Variants in MEF2A observed in about 807,000 individuals in gnomAD.
MEF2A encodes myocyte-specific enhancer factor 2A.
A neutral mutation model predicts 55.8 loss-of-function variants in MEF2A; 28 were observed. The observed-to-expected ratio is 0.50, with a 90% confidence interval of 0.37 to 0.69. The LOEUF (loss-of-function observed/expected upper bound fraction) is 0.69, where lower values mean the gene tolerates loss of function less well. Among genes scored for constraint, MEF2A ranks in the 30% least tolerant of loss-of-function variants. The pLI is 0.00. For synonymous variants in MEF2A, 239 were observed against 227.1 expected (o/e 1.05, Z -0.47); for missense variants, 528 against 626.2 (o/e 0.84, Z 1.67).
chr15:99,675,776 A>G (rs1021840711), intron 7 of MEF2A, among the ~76,000 whole-genome samples: 1 of 152,130 alleles, frequency 6.6e-6, no homozygotes, highest in Non-Finnish European at 1.5e-5. Flanking sequence ...CGTGGCTCAC[A>G]CCTGTAATCC....
chr15:99,621,828 A>C (rs2041234214), intron 2 of MEF2A, among the ~76,000 whole-genome samples: 1 of 152,184 alleles, frequency 6.6e-6, no homozygotes, highest in Admixed American at 6.5e-5. Context: ...ATTGTACATA[A>C]TCATTTTTAT....
intron 3 of MEF2A, among the ~76,000 whole-genome samples, chr15:99,641,184 A>G (rs372644923): frequency 7.9e-5 from 12 of 152,110 alleles, no homozygotes; most frequent in African/African-American, 2.4e-4. Flanking sequence ...CTACCTGGCA[A>G]TCCACCAAAC....
At chr15:99,586,097 A>G (rs967451158) in intron 1 of MEF2A, among the ~76,000 whole-genome samples, 1 of 152,066 alleles carries the variant, frequency 6.6e-6, no homozygotes, top group African/African-American at 2.4e-5. Flanking sequence ...CCTTTCATGG[A>G]CTTTTGGTAG....
rs1408083455 is a variant in MEF2A at position 99,633,070 on chromosome 15, T to C, written c.-50T>C. 1.3e-6 allele frequency: 2 copies of C among 1,510,918 alleles called. No homozygotes were observed. Among genetic ancestry groups the C allele is most frequent in the Non-Finnish European group, 1.8e-6 (2 of 1,104,242 alleles). The allele number at this position is 1,510,918 out of a possible 1,614,324, so 93.6% of individuals were successfully genotyped here. A position where few individuals can be genotyped will look rare whatever the true frequency, so the allele number is the denominator to read the frequency against. The stretch of plus-strand genomic sequence containing the variant: ...CATTAGGGTATTGAAGAAAATTAAC[T>C]TTTGAATTAAATATTTGGAATATAA... On this transcript the variant is annotated 5_prime_UTR_variant, in exon 3 of 12. Transcript: ENST00000557942.
chr15:99,705,101 A>C lies in MEF2A; in HGVS notation c.883-1628A>C, dbSNP rs2057872679. Among the ~76,000 whole-genome samples, 2 of 152,220 alleles carry C rather than the reference A, an allele frequency of 1.3e-5. 1 individual carries two copies. The highest frequency in any genetic ancestry group is 4.1e-4 in the South Asian group (2 of 4,828). On this transcript the variant is annotated intron_variant, in intron 9 of 11. Coordinates refer to ENST00000557942, the MANE Select transcript of MEF2A (RefSeq NM_001319206.4). ...TTAGAAAGTTGTTCAGCTTGCCTTG[A>C]GCTCTAAAGTATAATTGTGGATGAC...
At chr15:99,674,287 C>T (rs924633932) in intron 5 of MEF2A, 106 bp from the exon 6 acceptor site, 14 of 980,950 alleles carry the variant, frequency 1.4e-5, no homozygotes, top group Non-Finnish European at 2.0e-5. Flanking sequence ...TATCCCTATC[C>T]TCTACTTTTA....
rs1353592175 is a variant in MEF2A, at chr15:99,568,654, A to G, written c.-225+2550A>G. On this transcript the variant is annotated intron_variant, in intron 1 of 11. Transcript: ENST00000557942. ...ATTTAGGAGGAAGAAGCCATGAACAAATTTGTTACTGAAAAATAGCATGCT... is the reference window on the plus strand; with the variant it reads ...ATTTAGGAGGAAGAAGCCATGAACAGATTTGTTACTGAAAAATAGCATGCT... Among the ~76,000 whole-genome samples the G allele has an allele frequency of 2.0e-5, 3 of 152,294 alleles. No homozygotes were observed. The East Asian group carries it at 5.8e-4, about 29-fold the overall frequency.
chr15:99,667,965 G>A lies in MEF2A; in HGVS notation c.259-3358G>A, dbSNP rs560927721. 9.9e-5 allele frequency among the ~76,000 whole-genome samples: 15 copies of A among 152,070 alleles called. No homozygotes were observed. The South Asian group carries it at 2.7e-3, about 27-fold the overall frequency. On this transcript the variant is annotated intron_variant, in intron 4 of 11. Transcript: ENST00000557942. ...ATTTCAGTATCCTTACATAACTAGC[G>A]TTGAAAGGTAAATATTAGCTAAGTT...
At position 99,654,136 on chromosome 15, in the gene MEF2A, G is replaced by A. The variant is rs184080475; in HGVS notation, c.258+8372G>A. Among the ~76,000 whole-genome samples the A allele has an allele frequency of 1.6e-4, 24 of 152,012 alleles. No individual in the cohort carries two copies. In the East Asian group the frequency reaches 4.6e-3, roughly 29 times the overall value. ...TTTTAAAAATGGTTTCGTTACTTTG[G>A]TCTCTTATAAACCTATCAGTTTTGT... On this transcript the variant is annotated intron_variant, in intron 4 of 11. Coordinates refer to ENST00000557942, the MANE Select transcript of MEF2A (RefSeq NM_001319206.4).
chr15:99,706,731 T>C lies in MEF2A; in HGVS notation c.885T>C (p.Asn295=), dbSNP rs325408. ...TTTTCTCTTTTTTGATCTCACAGAA[T>C]ACCCAGAGGATCAGTAGTTCTCAAG... The part of the protein sequence containing the change: ...PLSEEEELEL[N]TQRISSSQAT... Residue 295 remains asparagine (N), a splice_region_variant and synonymous_variant, in exon 10 of 12, where the codon AAT becomes AAC. Transcript: ENST00000557942. 0.77 allele frequency: 1,233,320 copies of C among 1,611,158 alleles called. 482,743 individuals are homozygous for C. Among genetic ancestry groups the C allele is most frequent in the Middle Eastern group, 0.87 (5,275 of 6,060 alleles).
rs1467475736 is a variant in MEF2A, at chr15:99,715,672, TG to T, written c.*2902del. 1 of 152,228 alleles carries T rather than the reference TG, an allele frequency of 6.6e-6. No homozygotes were observed. The highest frequency in any genetic ancestry group is 2.4e-5 in the African/African-American group (1 of 41,462). 9.4% of individuals were successfully genotyped at this position (152,228 alleles called of 1,614,324 possible). Reference sequence around the variant, plus strand: ...TTCTTACCCTTTTAGACTCGTGTTTTGTATGAGACACCATTGCAAGAAAATT... The same window carrying T: ...TTCTTACCCTTTTAGACTCGTGTTTTTATGAGACACCATTGCAAGAAAATT... On this transcript the variant is annotated 3_prime_UTR_variant, in exon 12 of 12. Transcript: ENST00000557942.
intron 8 of MEF2A, among the ~76,000 whole-genome samples, chr15:99,699,770 AC>A (rs1259519975): frequency 6.6e-6 from 1 of 152,150 alleles, no homozygotes; most frequent in African/African-American, 2.4e-5. Flanking sequence ...ATACACAAAC[AC>A]AAAGGGTTGA....
At chr15:99,659,214 C>G (rs1465780990) in intron 4 of MEF2A, among the ~76,000 whole-genome samples, 1 of 152,046 alleles carries the variant, frequency 6.6e-6, no homozygotes, top group East Asian at 1.9e-4. Context: ...CTGAGACTAC[C>G]TGGCTGCTCA....
intron 6 of MEF2A, 26 bp downstream of exon 6, chr15:99,674,638 G>T (rs750739888): frequency 1.3e-6 from 2 of 1,557,706 alleles, no homozygotes; most frequent in African/African-American, 1.4e-5. Context: ...TATTATGCTG[G>T]TTCTTTAATA....
At position 99,658,603 on chromosome 15, in the gene MEF2A, T is replaced by TA. The variant is rs550892971; in HGVS notation, c.259-12709dup. ...TCAAATCCCATGCAGAGTAAATGTGTAAAAAAAAAAACAAACAAAAACTCT... is the reference window on the plus strand; with the variant it reads ...TCAAATCCCATGCAGAGTAAATGTGTAAAAAAAAAAAACAAACAAAAACTCT... On this transcript the variant is annotated intron_variant, in intron 4 of 11. Transcript: ENST00000557942. Among the ~76,000 whole-genome samples the TA allele has an allele frequency of 2.8e-3, 383 of 138,626 alleles. 1 individual carries two copies. Among genetic ancestry groups the TA allele is most frequent in the East Asian group, 8.7e-3 (42 of 4,842 alleles). The allele number at this position is 138,626 out of a possible 152,430, so 90.9% of individuals were successfully genotyped here.
intron 8 of MEF2A, among the ~76,000 whole-genome samples, chr15:99,698,872 G>C (rs2056921035): frequency 6.6e-6 from 1 of 151,886 alleles, no homozygotes; most frequent in African/African-American, 2.4e-5. Context: ...TCTTTGGAAT[G>C]CAAAATGGTA....
chr15:99,699,068 A>AC (rs985083904), intron 8 of MEF2A, among the ~76,000 whole-genome samples: 38 of 151,682 alleles, frequency 2.5e-4, no homozygotes, highest in African/African-American at 9.2e-4. Context: ...AAAAAAAAAA[A>AC]AACAAAAAAA....
At chr15:99,621,116 A>T (rs2041097359) in intron 2 of MEF2A, 1 of 152,266 alleles carries the variant, frequency 6.6e-6, no homozygotes, top group Non-Finnish European at 1.5e-5. Context: ...AAGCGCTGGG[A>T]TTACAGGCGT....
At chr15:99,655,766 T>C (rs1000613708) in intron 4 of MEF2A, among the ~76,000 whole-genome samples, 4 of 152,076 alleles carry the variant, frequency 2.6e-5, no homozygotes, top group Non-Finnish European at 5.9e-5. Context: ...TGTTTAAAAA[T>C]TGATTTATAG....
Sources: allele counts gnomAD v4.1 joint callset (sites outside exome capture counted in the v4.1 genomes callset), GRCh38; gene constraint gnomAD v4.1.1; transcripts MANE v1.5; gene names NCBI Gene and HGNC (gene_info 2026-07-23, HGNC 2026-07-21).